The following SYNE2 variants were observed in gnomAD, a reference collection of about 807,000 sequenced individuals.
The protein encoded by SYNE2 is spectrin repeat containing nuclear envelope protein 2.
SYNE2 carries 431 observed loss-of-function variants against 856.3 expected under a neutral mutation model. That is an observed-to-expected ratio of 0.50 (90% confidence interval 0.47 to 0.55). SYNE2 has a LOEUF of 0.55. SYNE2 is among the 20% of genes least tolerant of loss of function. The probability of loss-of-function intolerance (pLI) is 0.00; values close to 1 mark genes in which losing one functional copy is unlikely to be tolerated. For synonymous variants in SYNE2, 2,923 were observed against 2,872.3 expected, an observed-to-expected ratio of 1.02 and a Z score of -0.56; for missense variants, 8,129 against 8,023.2, an observed-to-expected ratio of 1.01 and a Z score of -0.50.
At chr14:64,079,889 G>A (rs1280007040) in intron 55 of SYNE2, among the ~76,000 whole-genome samples, 1 of 152,004 alleles carries the variant, frequency 6.6e-6, no homozygotes, top group African/African-American at 2.4e-5. Context: ...TTGTAGAGAC[G>A]GTGTTTCCCT....
At chr14:63,866,700 C>T (rs747702966) in intron 1 of SYNE2, among the ~76,000 whole-genome samples, 24 of 151,970 alleles carry the variant, frequency 1.6e-4, no homozygotes, top group South Asian at 1.2e-3. Flanking sequence ...ACTGGCTGGG[C>T]GTGGTAGCTC....
At chr14:63,967,498 A>G (rs1435713773) in intron 10 of SYNE2, among the ~76,000 whole-genome samples, 2 of 152,222 alleles carry the variant, frequency 1.3e-5, no homozygotes, top group East Asian at 1.9e-4. Flanking sequence ...CACAAAGCAC[A>G]GAGTGAGACC....
intron 64 of SYNE2, among the ~76,000 whole-genome samples, chr14:64,103,431 T>G (rs1052758563): frequency 2.0e-5 from 3 of 151,824 alleles, no homozygotes; most frequent in African/African-American, 7.3e-5. Context: ...CCTTATGACA[T>G]TCTAAATATT....
chr14:64,200,028 A>T (rs2098555366), intron 99 of SYNE2, among the ~76,000 whole-genome samples: 1 of 152,024 alleles, frequency 6.6e-6, no homozygotes, highest in East Asian at 1.9e-4. Flanking sequence ...CAGGGTTAAC[A>T]GTTCAAGATC....
intron 114 of SYNE2, 78 bp downstream of exon 114, chr14:64,224,625 C>A: frequency 6.5e-7 from 1 of 1,534,774 alleles, no homozygotes; most frequent in Non-Finnish European, 9.0e-7. Flanking sequence ...CTTGGGATTC[C>A]AAGAGCCCAT....
At chr14:63,892,048 A>G (rs1230864586) in intron 1 of SYNE2, among the ~76,000 whole-genome samples, 1 of 152,230 alleles carries the variant, frequency 6.6e-6, no homozygotes, top group South Asian at 2.1e-4. Context: ...TTTGGCTGTC[A>G]TAAGTGTTTG....
At chr14:63,970,651 C>CTTTTTT (rs61126600) in intron 11 of SYNE2, among the ~76,000 whole-genome samples, 285 of 98,742 alleles carry the variant, frequency 2.9e-3, no homozygotes, top group African/African-American at 5.3e-3. Flanking sequence ...TTTCTTTTTT[C>CTTTTTT]TTTTTTTTTT....
chr14:63,971,582 T>G (rs2096477872), intron 11 of SYNE2, among the ~76,000 whole-genome samples: 1 of 151,046 alleles, frequency 6.6e-6, no homozygotes, highest in Non-Finnish European at 1.5e-5. Flanking sequence ...TGTTATCATT[T>G]TTTTTTTTTT....
Position 64,062,733 on chromosome 14 carries a change from C to T in SYNE2, c.10068-18C>T. The T allele has an allele frequency of 6.2e-7, 1 of 1,605,568 alleles. No individual in the cohort carries two copies. Among genetic ancestry groups the T allele is most frequent in the Non-Finnish European group, 8.5e-7 (1 of 1,174,056 alleles). On this transcript the variant is annotated intron_variant, in intron 49 of 115. Coordinates refer to ENST00000555002, the MANE Select transcript of SYNE2 (RefSeq NM_182914.3). ...AATAAAATTTAATACCACTTTTTTT[C>T]TAACTGTGACTCACTAGGTATCTTG...
At chr14:64,045,038 G>A (rs183618749) in intron 45 of SYNE2, among the ~76,000 whole-genome samples, 8 of 152,256 alleles carry the variant, frequency 5.3e-5, no homozygotes, top group Non-Finnish European at 1.2e-4. Context: ...GTGAGCCAAG[G>A]ACGCCTGCTG....
intron 31 of SYNE2, 67 bp downstream of exon 31, chr14:64,007,289 C>G: frequency 6.7e-7 from 1 of 1,498,558 alleles, no homozygotes; most frequent in Non-Finnish European, 9.3e-7. Context: ...CTTTTTCAAA[C>G]TTCTGGGTTG....
At chr14:64,141,855 T>C in intron 81 of SYNE2, 87 bp from the exon 82 acceptor site, 1 of 1,531,680 alleles carries the variant, frequency 6.5e-7, no homozygotes, top group Non-Finnish European at 8.9e-7. Flanking sequence ...GCAAGACCTT[T>C]TATCAAACCA....
At chr14:63,940,110 C>T (rs1362130480) in intron 2 of SYNE2, among the ~76,000 whole-genome samples, 3 of 136,380 alleles carry the variant, frequency 2.2e-5, no homozygotes, top group African/African-American at 5.5e-5. Flanking sequence ...CAGAGTCTTG[C>T]CGTGTTGACC....
chr14:63,903,568 A>G (rs2095366045), intron 1 of SYNE2, among the ~76,000 whole-genome samples: 1 of 152,078 alleles, frequency 6.6e-6, no homozygotes, highest in South Asian at 2.1e-4. Context: ...GGTTTGAACA[A>G]TCCTCCCACC....
intron 1 of SYNE2, among the ~76,000 whole-genome samples, chr14:63,777,672 A>G (rs1034930583): frequency 3.3e-5 from 5 of 152,152 alleles, no homozygotes; most frequent in Non-Finnish European, 7.3e-5. Context: ...ACATACAATA[A>G]TAATATATAT....
intron 38 of SYNE2, 79 bp from the exon 39 acceptor site, chr14:64,024,178 T>C: frequency 3.1e-6 from 4 of 1,279,164 alleles, no homozygotes; most frequent in Non-Finnish European, 4.5e-6. Context: ...TGTACTGGTT[T>C]GGAAAAGTGT....
chr14:63,837,117 A>G (rs117030110), intron 1 of SYNE2, among the ~76,000 whole-genome samples: 2,905 of 152,326 alleles, frequency 0.019, 40 homozygotes, highest in Admixed American at 0.032. Context: ...GTAAATTCAG[A>G]AGTACAGGAA....
chr14:63,786,641 G>T (rs1887538807), intron 1 of SYNE2, among the ~76,000 whole-genome samples: 1 of 152,144 alleles, frequency 6.6e-6, no homozygotes, highest in South Asian at 2.1e-4. Flanking sequence ...CCAACATTAA[G>T]TACGTAATTA....
chr14:63,894,517 G>A (rs989262145), intron 1 of SYNE2, among the ~76,000 whole-genome samples: 9 of 152,038 alleles, frequency 5.9e-5, no homozygotes, highest in Non-Finnish European at 1.3e-4. Flanking sequence ...CACTGCATCC[G>A]GCCATTATAA....
Sources: allele counts gnomAD v4.1 joint callset (sites outside exome capture counted in the v4.1 genomes callset), GRCh38; gene constraint gnomAD v4.1.1; transcripts MANE v1.5; gene names NCBI Gene and HGNC (gene_info 2026-07-23, HGNC 2026-07-21).